Variants in SYT17 observed in about 807,000 individuals in gnomAD.
The protein encoded by SYT17 is synaptotagmin-17.
A neutral mutation model predicts 46.7 loss-of-function variants in SYT17; 22 were observed. The ratio of observed to expected loss-of-function variants is 0.47; its 90% CI spans 0.34 to 0.67. SYT17 has a LOEUF of 0.67. Among genes scored for constraint, SYT17 ranks in the 30% least tolerant of loss-of-function variants. SYT17 has a pLI of 0.01. For synonymous variants in SYT17, 251 were observed against 248.4 expected (o/e 1.01, Z -0.10); for missense variants, 519 against 612.8 (o/e 0.85, Z 1.62).
chr16:19,222,978 C>A (rs1464674309), intron 5 of SYT17, 67 bp from the exon 6 acceptor site: 1 of 1,594,552 alleles, frequency 6.3e-7, no homozygotes, highest in Non-Finnish European at 8.6e-7. Context: ...CAATCAATTT[C>A]TTGTATGGTG....
At chr16:19,263,640 C>CAAAAAAAAAAA (rs1157288423) in intron 7 of SYT17, among the ~76,000 whole-genome samples, 2 of 39,242 alleles carry the variant, frequency 5.1e-5, no homozygotes, top group Non-Finnish European at 1.2e-4. Context: ...AATTACAACT[C>CAAAAAAAAAAA]AAAAAAAAAA....
At chr16:19,179,031 T>C (rs2142543891) in intron 3 of SYT17, among the ~76,000 whole-genome samples, 1 of 150,628 alleles carries the variant, frequency 6.6e-6, no homozygotes, top group South Asian at 2.1e-4. Flanking sequence ...ACCCTGTTTC[T>C]TAAAAAAAAA....
At chr16:19,216,314 T>C (rs1029823123) in intron 5 of SYT17, among the ~76,000 whole-genome samples, 11 of 152,126 alleles carry the variant, frequency 7.2e-5, no homozygotes, top group South Asian at 2.1e-4. Flanking sequence ...CAAGAATAGA[T>C]TGTGCTTCAG....
Position 19,194,174 on chromosome 16 carries a change from C to A in SYT17, c.951+10027C>A, listed in dbSNP as rs1253385347. Among the ~76,000 whole-genome samples the A allele has an allele frequency of 5.3e-5, 8 of 152,278 alleles. No homozygotes were observed. The East Asian group carries it at 1.5e-3, about 29-fold the overall frequency. On this transcript the variant is annotated intron_variant, in intron 5 of 7. Coordinates refer to ENST00000355377, the MANE Select transcript of SYT17 (RefSeq NM_016524.4). ...ACCTGTAAAGAAAAAGATGCCAGTCCCCCCTTCTTATAGAGGTGCCCAATC... is the reference window on the plus strand; with the variant it reads ...ACCTGTAAAGAAAAAGATGCCAGTCACCCCTTCTTATAGAGGTGCCCAATC...
At chr16:19,206,699 A>G (rs1272310706) in intron 5 of SYT17, among the ~76,000 whole-genome samples, 4 of 152,028 alleles carry the variant, frequency 2.6e-5, no homozygotes, top group Non-Finnish European at 5.9e-5. Context: ...TGAGAGATGC[A>G]TCCCTCCAGC....
intron 3 of SYT17, 188 bp from the exon 4 acceptor site, chr16:19,180,203 C>A: frequency 1.7e-6 from 1 of 582,060 alleles, no homozygotes; most frequent in Non-Finnish European, 3.0e-6. Flanking sequence ...CATATCATTT[C>A]ACATTTTGTG....
chr16:19,188,017 T>C (rs917535008), intron 5 of SYT17, among the ~76,000 whole-genome samples: 1 of 152,164 alleles, frequency 6.6e-6, no homozygotes, highest in East Asian at 1.9e-4. Flanking sequence ...TGTTCTATTA[T>C]AAAGACACAT....
intron 7 of SYT17, among the ~76,000 whole-genome samples, chr16:19,263,348 A>C (rs938138617): frequency 2.6e-5 from 4 of 152,116 alleles, no homozygotes; most frequent in African/African-American, 9.7e-5. Context: ...GACCTTAAAA[A>C]CTTGGTACAT....
intron 5 of SYT17, among the ~76,000 whole-genome samples, chr16:19,212,994 A>C (rs770475859): frequency 6.6e-6 from 1 of 152,222 alleles, no homozygotes; most frequent in African/African-American, 2.4e-5. Context: ...AGACAGACTC[A>C]GTGGAGGCAG....
At chr16:19,262,649 C>A (rs190692555) in intron 7 of SYT17, among the ~76,000 whole-genome samples, 1 of 152,220 alleles carries the variant, frequency 6.6e-6, no homozygotes, top group Admixed American at 6.5e-5. Context: ...GTATTGCCAC[C>A]CAAGAAGACT....
intron 7 of SYT17, among the ~76,000 whole-genome samples, chr16:19,257,734 A>G (rs1265535446): frequency 6.6e-6 from 1 of 151,988 alleles, no homozygotes; most frequent in African/African-American, 2.4e-5. Flanking sequence ...GGAACAGGGG[A>G]ACATCTTAAC....
intron 7 of SYT17, among the ~76,000 whole-genome samples, chr16:19,225,126 C>T (rs1966457021): frequency 6.6e-6 from 1 of 152,162 alleles, no homozygotes; most frequent in South Asian, 2.1e-4. Context: ...TCCTCATCTA[C>T]AAAATGTGAA....
chr16:19,206,639 G>A (rs34565350), intron 5 of SYT17, among the ~76,000 whole-genome samples: 13,184 of 152,134 alleles, frequency 0.087, 732 homozygotes, highest in South Asian at 0.14. Context: ...ACCACCCCAG[G>A]CCTCTCCTGT....
intron 2 of SYT17, chr16:19,172,995 C>A (rs1320744341): frequency 3.3e-6 from 2 of 608,104 alleles, no homozygotes; most frequent in Non-Finnish European, 5.7e-6. Context: ...CCTACTTATT[C>A]CGTTTGATTA....
chr16:19,244,296 T>A (rs1967365209), intron 7 of SYT17, among the ~76,000 whole-genome samples: 1 of 152,120 alleles, frequency 6.6e-6, no homozygotes, highest in African/African-American at 2.4e-5. Context: ...GCTGCCAAGG[T>A]TTTGTGGTTT....
intron 7 of SYT17, 36 bp downstream of exon 7, chr16:19,224,874 G>A (rs748107979): frequency 1.2e-6 from 2 of 1,610,866 alleles, no homozygotes; most frequent in Non-Finnish European, 1.7e-6. Context: ...AACTCCAGGT[G>A]AGGCACGTCA....
At chr16:19,177,368 C>T (rs577508075) in intron 3 of SYT17, among the ~76,000 whole-genome samples, 115 of 152,292 alleles carry the variant, frequency 7.6e-4, no homozygotes, top group African/African-American at 2.7e-3. Context: ...GAGGTCTCTT[C>T]TGAACACTGG....
intron 7 of SYT17, among the ~76,000 whole-genome samples, chr16:19,256,669 C>T (rs913296665): frequency 6.6e-5 from 10 of 152,014 alleles, no homozygotes; most frequent in African/African-American, 1.4e-4. Flanking sequence ...ATCTCAACCT[C>T]CGGGGCTCAA....
At chr16:19,207,101 C>T (rs1271600637) in intron 5 of SYT17, among the ~76,000 whole-genome samples, 2 of 152,162 alleles carry the variant, frequency 1.3e-5, no homozygotes, top group African/African-American at 4.8e-5. Flanking sequence ...CCCCATCTCT[C>T]TTGCTTCCTC....
Sources: allele counts gnomAD v4.1 joint callset (sites outside exome capture counted in the v4.1 genomes callset), GRCh38; gene constraint gnomAD v4.1.1; transcripts MANE v1.5; gene names NCBI Gene and HGNC (gene_info 2026-07-23, HGNC 2026-07-21).